The following PAQR5 variants were observed in gnomAD, a reference collection of about 807,000 sequenced individuals.
PAQR5 encodes progestin and adipoQ receptor family member 5, also known as membrane progestin receptor gamma.
In PAQR5, 20 loss-of-function variants were observed where a neutral mutation model predicts 34.5. The ratio of observed to expected loss-of-function variants is 0.58; its 90% confidence interval spans 0.41 to 0.84. PAQR5 has a LOEUF of 0.84. PAQR5 is among the 40% of genes least tolerant of loss of function. The pLI is 0.00. For synonymous variants in PAQR5, 131 were observed against 155.6 expected, an observed-to-expected ratio of 0.84 and a Z score of 1.18; for missense variants, 378 against 412.7, an observed-to-expected ratio of 0.92 and a Z score of 0.73.
At chr15:69,357,045 C>T (rs1269587827) in intron 2 of PAQR5, among the ~76,000 whole-genome samples, 1 of 151,914 alleles carries the variant, frequency 6.6e-6, no homozygotes, top group Non-Finnish European at 1.5e-5. Flanking sequence ...CGTGGCATCT[C>T]CCCACCCACT....
intron 6 of PAQR5, among the ~76,000 whole-genome samples, chr15:69,390,838 T>A (rs1212690532): frequency 6.6e-6 from 1 of 152,162 alleles, no homozygotes; most frequent in Non-Finnish European, 1.5e-5. Flanking sequence ...TGTTTTTTTT[T>A]TTTTTCTTTC....
chr15:69,399,989 G>C lies in PAQR5; in HGVS notation c.625G>C (p.Gly209Arg), dbSNP rs764216574. ...PIFYRLFLFP[G>R]ESAQNEATSY... ...ACACCTGCAGCTATTCCTGTTCCCA[G>C]GGGAGAGTGCACAAAATGAAGCCAC... The change falls in exon 8 of 9, where the codon GGG (glycine) becomes CGG (arginine). Residue 209 changes from glycine to arginine, a missense_variant. By Grantham distance (125) the Gly-to-Arg change is moderately radical (BLOSUM62 -2). Transcript: ENST00000395407. 6.2e-7 allele frequency: 1 copy of C among 1,614,026 alleles called. No homozygotes were observed. The highest frequency in any genetic ancestry group is 8.5e-7 in the Non-Finnish European group (1 of 1,179,908).
At chr15:69,324,816 C>T (rs1377703976) in intron 1 of PAQR5, among the ~76,000 whole-genome samples, 7 of 152,272 alleles carry the variant, frequency 4.6e-5, no homozygotes, top group Middle Eastern at 3.4e-3. Flanking sequence ...ACCTCCATGG[C>T]CCTGTCCTGC....
chr15:69,396,940 G>GT, intron 6 of PAQR5: 1 of 318,210 alleles, frequency 3.1e-6, no homozygotes, highest in East Asian at 8.7e-5. Flanking sequence ...CCCAAGCCAA[G>GT]TATCCCTGTG....
intron 1 of PAQR5, among the ~76,000 whole-genome samples, chr15:69,321,921 C>T (rs1318595651): frequency 6.6e-6 from 1 of 152,196 alleles, no homozygotes; most frequent in African/African-American, 2.4e-5. Context: ...ACACTGGAAT[C>T]TAACTGAAGT....
intron 1 of PAQR5, among the ~76,000 whole-genome samples, chr15:69,299,589 C>A (rs1330557833): frequency 1.3e-5 from 2 of 152,210 alleles, no homozygotes; most frequent in Non-Finnish European, 2.9e-5. Context: ...GGGTGCCCAG[C>A]TACAGGGAGT....
At chr15:69,354,797 C>T (rs1440451105) in intron 2 of PAQR5, among the ~76,000 whole-genome samples, 12 of 152,094 alleles carry the variant, frequency 7.9e-5, no homozygotes, top group East Asian at 1.9e-4. Context: ...GGAAGATCCA[C>T]CCTCAGTGTG....
chr15:69,373,635 G>A (rs370687036), intron 3 of PAQR5, among the ~76,000 whole-genome samples: 10 of 152,008 alleles, frequency 6.6e-5, no homozygotes, highest in South Asian at 2.1e-4. Flanking sequence ...TCAGAGTCTC[G>A]CTTTGTTGAC....
At chr15:69,353,500 G>T (rs74020643) in intron 2 of PAQR5, among the ~76,000 whole-genome samples, 66 of 152,262 alleles carry the variant, frequency 4.3e-4, no homozygotes, top group African/African-American at 1.5e-3. Context: ...CCATGTTCCC[G>T]TTATTCCGAA....
At chr15:69,325,545 C>T (rs138415167) in intron 1 of PAQR5, among the ~76,000 whole-genome samples, 2 of 152,122 alleles carry the variant, frequency 1.3e-5, no homozygotes, top group African/African-American at 4.8e-5. Context: ...TCTTTCCTAC[C>T]ATAGCTTTGG....
chr15:69,301,858 GATTTTTTTTTTTTTTTTTTT>G (rs1328242325), intron 1 of PAQR5, among the ~76,000 whole-genome samples: 3 of 77,628 alleles, frequency 3.9e-5, no homozygotes, highest in East Asian at 4.8e-4. Context: ...AATGGGGGGA[GATTTTTTTTTTTTTTTTTTT>G]TTTTTTTTTT....
chr15:69,320,354 T>C (rs1210880511), intron 1 of PAQR5, among the ~76,000 whole-genome samples: 1 of 152,218 alleles, frequency 6.6e-6, no homozygotes, highest in East Asian at 1.9e-4. Context: ...CCCCTGACCC[T>C]TGGTGAGCTG....
At chr15:69,393,533 C>T (rs1210565770) in intron 6 of PAQR5, among the ~76,000 whole-genome samples, 1 of 147,798 alleles carries the variant, frequency 6.8e-6, no homozygotes, top group Non-Finnish European at 1.5e-5. Context: ...GTTTGGGCAT[C>T]GTGCAATGTC....
At chr15:69,368,209 C>T (rs1003791897) in intron 3 of PAQR5, among the ~76,000 whole-genome samples, 6 of 152,124 alleles carry the variant, frequency 3.9e-5, no homozygotes, top group South Asian at 2.1e-4. Flanking sequence ...TGCACCACCA[C>T]GCCTGGCTAA....
intron 3 of PAQR5, among the ~76,000 whole-genome samples, chr15:69,376,231 G>A (rs1002982254): frequency 2.0e-5 from 3 of 152,164 alleles, no homozygotes; most frequent in Non-Finnish European, 1.5e-5. Context: ...GCTTACTTGG[G>A]GGTGCTTAGA....
chr15:69,345,052 C>A (rs183891240), intron 2 of PAQR5, among the ~76,000 whole-genome samples: 18 of 151,414 alleles, frequency 1.2e-4, no homozygotes, highest in South Asian at 6.3e-4. Context: ...TGAGATCACA[C>A]CACTGTACTC....
intron 2 of PAQR5, among the ~76,000 whole-genome samples, chr15:69,346,283 A>G (rs16953188): frequency 0.089 from 12,342 of 138,808 alleles, 856 homozygotes; most frequent in African/African-American, 0.18. Context: ...GTGATTGGCC[A>G]TGGATATTTT....
intron 2 of PAQR5, among the ~76,000 whole-genome samples, chr15:69,348,284 T>C (rs181205516): frequency 6.6e-6 from 1 of 152,390 alleles, no homozygotes; most frequent in Admixed American, 6.5e-5. Flanking sequence ...GTTATGTCTC[T>C]TAAGTATAAG....
intron 1 of PAQR5, among the ~76,000 whole-genome samples, chr15:69,333,528 G>A (rs1054840664): frequency 1.3e-5 from 2 of 152,156 alleles, no homozygotes; most frequent in East Asian, 1.9e-4. Flanking sequence ...TCCCCACCCC[G>A]CACTGGGAGA....
Sources: gnomAD v4.1 joint callset for allele counts (sites outside exome capture counted in the v4.1 genomes callset) on GRCh38, gnomAD v4.1.1 for gene constraint, MANE v1.5 for transcripts, NCBI Gene and HGNC (gene_info 2026-07-23, HGNC 2026-07-21) for gene names.